ADGRB3: variants seen among roughly 807,000 people sequenced by gnomAD.
ADGRB3 encodes adhesion G protein-coupled receptor B3, also known as brain-specific angiogenesis inhibitor 3.
A neutral mutation model predicts 193.4 loss-of-function variants in ADGRB3; 37 were observed. The ratio of observed to expected loss-of-function variants is 0.19; its 90% CI spans 0.15 to 0.25. The LOEUF is 0.25. Among genes scored for constraint, ADGRB3 ranks in the 10% least tolerant of loss-of-function variants. ADGRB3 has a pLI of 1.00. For synonymous variants in ADGRB3, 690 were observed against 644.2 expected (o/e 1.07, Z -1.08); for missense variants, 1,637 against 1,852.9 (o/e 0.88, Z 2.14).
chr6:69,259,414 G>C (rs1355488308), intron 20 of ADGRB3, among the ~76,000 whole-genome samples: 1 of 152,130 alleles, frequency 6.6e-6, no homozygotes, highest in Non-Finnish European at 1.5e-5. Context: ...TTCTAAAATG[G>C]GCTGGGCGCG....
At chr6:69,285,679 A>G (rs1208855345) in intron 20 of ADGRB3, among the ~76,000 whole-genome samples, 1 of 152,050 alleles carries the variant, frequency 6.6e-6, no homozygotes, top group Non-Finnish European at 1.5e-5. Flanking sequence ...TTAAAAATAA[A>G]TAAATAAATA....
chr6:69,360,228 A>G (rs1769423120), intron 28 of ADGRB3, among the ~76,000 whole-genome samples: 1 of 151,896 alleles, frequency 6.6e-6, no homozygotes, highest in South Asian at 2.1e-4. Context: ...ATTCCAGCTT[A>G]TAGATTAATT....
chr6:68,667,217 GA>G, intron 3 of ADGRB3, among the ~76,000 whole-genome samples: 1 of 151,894 alleles, frequency 6.6e-6, no homozygotes, highest in South Asian at 2.1e-4. Context: ...AGAATGATTA[GA>G]AACACTCCCA....
chr6:69,354,421 A>C, intron 27 of ADGRB3, 93 bp downstream of exon 27: 1 of 1,083,670 alleles, frequency 9.2e-7, no homozygotes, highest in Non-Finnish European at 1.4e-6. Flanking sequence ...TAAAATTTTC[A>C]TTTTGATTGA....
chr6:69,080,718 CTA>C (rs978774928), intron 17 of ADGRB3, among the ~76,000 whole-genome samples: 21 of 151,732 alleles, frequency 1.4e-4, no homozygotes, highest in Non-Finnish European at 2.2e-4. Flanking sequence ...CAGTAGAAAA[CTA>C]TTTCTAGAAT....
intron 17 of ADGRB3, among the ~76,000 whole-genome samples, chr6:69,193,602 T>C (rs1765241324): frequency 6.6e-6 from 1 of 152,046 alleles, no homozygotes; most frequent in Non-Finnish European, 1.5e-5. Context: ...AAATAACACA[T>C]TGAAGAGGTA....
intron 17 of ADGRB3, among the ~76,000 whole-genome samples, chr6:69,181,078 T>A (rs1561944350): frequency 1.3e-5 from 2 of 152,184 alleles, no homozygotes; most frequent in South Asian, 4.1e-4. Flanking sequence ...GGGCTCTCTG[T>A]CTGTCTCACA....
chr6:69,112,963 G>C (rs1162648626), intron 17 of ADGRB3, among the ~76,000 whole-genome samples: 1 of 152,118 alleles, frequency 6.6e-6, no homozygotes, highest in African/African-American at 2.4e-5. Flanking sequence ...TCACCATCTT[G>C]GCCAGACTGG....
At chr6:69,170,439 G>A (rs1381010027) in intron 17 of ADGRB3, among the ~76,000 whole-genome samples, 2 of 152,010 alleles carry the variant, frequency 1.3e-5, no homozygotes, top group Non-Finnish European at 2.9e-5. Context: ...ATTATTTTCA[G>A]CCTTTCTTCT....
chr6:68,985,501 G>C (rs1027089190), intron 10 of ADGRB3, among the ~76,000 whole-genome samples: 2 of 152,118 alleles, frequency 1.3e-5, no homozygotes, highest in Admixed American at 6.5e-5. Flanking sequence ...CATATGGGAG[G>C]ATTGTACTTC....
intron 17 of ADGRB3, among the ~76,000 whole-genome samples, chr6:69,204,734 G>A (rs572561245): frequency 1.5e-3 from 234 of 152,118 alleles, no homozygotes; most frequent in African/African-American, 5.1e-3. Flanking sequence ...TATTGCCACC[G>A]TTAATTGTTG....
intron 10 of ADGRB3, among the ~76,000 whole-genome samples, chr6:68,986,305 A>C (rs1440775018): frequency 6.6e-6 from 1 of 152,150 alleles, no homozygotes; most frequent in Non-Finnish European, 1.5e-5. Context: ...TATCTGAAGC[A>C]CTTTTGGCCA....
intron 4 of ADGRB3, 113 bp downstream of exon 4, chr6:68,930,782 G>A (rs775991980): frequency 7.0e-6 from 6 of 856,300 alleles, no homozygotes; most frequent in East Asian, 2.8e-5. Flanking sequence ...ATATTTTTTC[G>A]AGCCATTTTT....
chr6:69,374,540 C>T (rs1769773550), intron 30 of ADGRB3, among the ~76,000 whole-genome samples: 2 of 152,082 alleles, frequency 1.3e-5, no homozygotes, highest in Non-Finnish European at 2.9e-5. Context: ...AGAGTCCACA[C>T]ACTATGATAA....
In ADGRB3 at chr6:69,302,187, G is replaced by T. The variant is rs187160459; in HGVS notation, c.2815-22685G>T. On this transcript the variant is annotated intron_variant, in intron 20 of 31. Transcript: ENST00000370598. ...AAAATGCCATGAAGGATATATATTA[G>T]AAAGGAAAGGAAGCAAGCACTTTTT... 1.8e-4 allele frequency among the ~76,000 whole-genome samples: 28 copies of T among 152,000 alleles called. No homozygotes were observed. The East Asian group carries it at 4.1e-3, about 22-fold the overall frequency.
chr6:68,872,330 G>T (rs1203115801), intron 3 of ADGRB3, among the ~76,000 whole-genome samples: 3 of 152,064 alleles, frequency 2.0e-5, no homozygotes, highest in Non-Finnish European at 4.4e-5. Flanking sequence ...TTTACATAAT[G>T]CAATAGCTAA....
chr6:69,217,727 A>T (rs999650703), intron 17 of ADGRB3, among the ~76,000 whole-genome samples: 2 of 152,178 alleles, frequency 1.3e-5, no homozygotes, highest in Non-Finnish European at 2.9e-5. Context: ...GTGCTATAGG[A>T]TGATTAAAAA....
intron 3 of ADGRB3, among the ~76,000 whole-genome samples, chr6:68,811,109 A>T (rs1045773428): frequency 3.9e-5 from 6 of 152,158 alleles, no homozygotes; most frequent in Non-Finnish European, 7.4e-5. Flanking sequence ...AAGTTGATTA[A>T]AAACATACAA....
intron 3 of ADGRB3, among the ~76,000 whole-genome samples, chr6:68,787,157 C>T (rs1297293890): frequency 6.6e-6 from 1 of 152,136 alleles, no homozygotes; most frequent in African/African-American, 2.4e-5. Context: ...CCTTCTCCTG[C>T]ATGATTGCCC....
Sources: gnomAD v4.1 joint callset for allele counts (sites outside exome capture counted in the v4.1 genomes callset) on GRCh38, gnomAD v4.1.1 for gene constraint, MANE v1.5 for transcripts, NCBI Gene and HGNC (gene_info 2026-07-23, HGNC 2026-07-21) for gene names.